TMEM74: variants seen among roughly 807,000 people sequenced by gnomAD.
TMEM74 encodes transmembrane protein 74.
In TMEM74, 13 loss-of-function variants were observed where a neutral mutation model predicts 18.1. The ratio of observed to expected loss-of-function variants is 0.72; its 90% confidence interval spans 0.47 to 1.14. The LOEUF (loss-of-function observed/expected upper bound fraction) is 1.14, where lower values mean the gene tolerates loss of function less well. TMEM74 is among the 50% of genes most tolerant of loss of function. The pLI is 0.00. For missense variants in TMEM74, 372 were observed against 375.9 expected (o/e 0.99, Z 0.09); for synonymous variants, 159 against 146.6 (o/e 1.08, Z -0.61).
intron 2 of TMEM74, among the ~76,000 whole-genome samples, chr8:108,623,999 C>T (rs1345866904): frequency 6.6e-6 from 1 of 152,042 alleles, no homozygotes; most frequent in Non-Finnish European, 1.5e-5. Flanking sequence ...TAATAAGATT[C>T]TTCAAAGTTA....
chr8:108,665,236 C>T (rs540115782), intron 1 of TMEM74, among the ~76,000 whole-genome samples: 4 of 152,184 alleles, frequency 2.6e-5, no homozygotes, highest in South Asian at 2.1e-4. Flanking sequence ...GGAATAACTT[C>T]GACCTGAATT....
intron 2 of TMEM74, among the ~76,000 whole-genome samples, chr8:108,646,517 A>G (rs1484002086): frequency 6.6e-6 from 1 of 152,112 alleles, no homozygotes; most frequent in Non-Finnish European, 1.5e-5. Flanking sequence ...GAGTTCATGA[A>G]TAAGTTCCAA....
chr8:108,681,535 C>A (rs944306348), intron 1 of TMEM74, among the ~76,000 whole-genome samples: 1 of 152,102 alleles, frequency 6.6e-6, no homozygotes, highest in African/African-American at 2.4e-5. Flanking sequence ...ATTAAGTTCT[C>A]TTAAATAGAA....
intron 2 of TMEM74, among the ~76,000 whole-genome samples, chr8:108,640,721 A>G (rs1162450990): frequency 6.6e-6 from 1 of 152,280 alleles, no homozygotes; most frequent in African/African-American, 2.4e-5. Flanking sequence ...ACAACTGTGC[A>G]TTGGTTCAGA....
chr8:108,632,102 G>A (rs1302758505), intron 2 of TMEM74, among the ~76,000 whole-genome samples: 1 of 151,964 alleles, frequency 6.6e-6, no homozygotes, highest in Non-Finnish European at 1.5e-5. Context: ...ACTCAGTGAT[G>A]CTATAAGAAT....
intron 1 of TMEM74, among the ~76,000 whole-genome samples, chr8:108,661,327 G>A (rs753325569): frequency 1.6e-4 from 22 of 141,502 alleles, no homozygotes; most frequent in Non-Finnish European, 2.9e-4. Flanking sequence ...ATTGCTTTGT[G>A]ATTTTTGCCA....
intron 1 of TMEM74, among the ~76,000 whole-genome samples, chr8:108,773,574 G>C (rs1244069353): frequency 6.6e-6 from 1 of 152,106 alleles, no homozygotes; most frequent in East Asian, 1.9e-4. Context: ...TTAATGTATA[G>C]GATGAGGTGG....
chr8:108,663,130 G>T (rs1032657443), intron 1 of TMEM74, among the ~76,000 whole-genome samples: 1 of 152,130 alleles, frequency 6.6e-6, no homozygotes, highest in Non-Finnish European at 1.5e-5. Flanking sequence ...CACAGCAAAA[G>T]AAACTGTCAT....
chr8:108,724,302 CT>C (rs1295697700), intron 1 of TMEM74, among the ~76,000 whole-genome samples: 1 of 152,162 alleles, frequency 6.6e-6, no homozygotes, highest in Non-Finnish European at 1.5e-5. Context: ...GTCTTCATGA[CT>C]GAACTCTTTA....
chr8:108,678,685 A>G (rs561869674), intron 1 of TMEM74, among the ~76,000 whole-genome samples: 1 of 150,164 alleles, frequency 6.7e-6, no homozygotes, highest in South Asian at 2.1e-4. Context: ...TTTTTTTCTT[A>G]TAAAGCTGAC....
At chr8:108,769,778 T>C (rs1245930992) in intron 1 of TMEM74, among the ~76,000 whole-genome samples, 1 of 152,132 alleles carries the variant, frequency 6.6e-6, no homozygotes, top group East Asian at 1.9e-4. Context: ...TTCACTGCCT[T>C]TCTAAAACAG....
At chr8:108,631,958 C>G (rs907892380) in intron 2 of TMEM74, among the ~76,000 whole-genome samples, 1 of 151,976 alleles carries the variant, frequency 6.6e-6, no homozygotes, top group African/African-American at 2.4e-5. Context: ...ATAAGTCAGG[C>G]ATTGTGCCCA....
At chr8:108,689,299 G>T in intron 1 of TMEM74, among the ~76,000 whole-genome samples, 1 of 152,172 alleles carries the variant, frequency 6.6e-6, no homozygotes, top group Non-Finnish European at 1.5e-5. Context: ...CAGAGAAAGG[G>T]TTAAGGAACC....
At chr8:108,652,435 T>C in intron 2 of TMEM74, 1 of 339,434 alleles carries the variant, frequency 2.9e-6, no homozygotes, top group South Asian at 4.2e-5. Context: ...CTGAAATATC[T>C]GAATACCTAA....
At chr8:108,729,699 A>G (rs1056413539) in intron 1 of TMEM74, among the ~76,000 whole-genome samples, 1 of 152,116 alleles carries the variant, frequency 6.6e-6, no homozygotes, top group Admixed American at 6.5e-5. Context: ...AATATCATTC[A>G]TTTTCTTCCC....
chr8:108,709,791 T>C (rs187872414), intron 1 of TMEM74, among the ~76,000 whole-genome samples: 4 of 152,336 alleles, frequency 2.6e-5, no homozygotes, highest in Admixed American at 2.6e-4. Context: ...TTCCTTGATG[T>C]GGTGATGGTA....
At chr8:108,720,713 C>T (rs3019358) in intron 1 of TMEM74, among the ~76,000 whole-genome samples, 43,001 of 151,826 alleles carry the variant, frequency 0.28, 6,793 homozygotes, top group Middle Eastern at 0.37. Flanking sequence ...ATACTGCCCC[C>T]AAATTAAGAT....
intron 1 of TMEM74, among the ~76,000 whole-genome samples, chr8:108,660,748 AAC>A (rs1383377747): frequency 1.3e-5 from 2 of 152,172 alleles, no homozygotes; most frequent in African/African-American, 4.8e-5. Flanking sequence ...TTCATTGTGA[AAC>A]AGTTAGCCGT....
intron 2 of TMEM74, among the ~76,000 whole-genome samples, chr8:108,650,919 C>T (rs1416022946): frequency 6.6e-6 from 1 of 152,080 alleles, no homozygotes; most frequent in Non-Finnish European, 1.5e-5. Context: ...CCATATTAGC[C>T]AGGCTGGTCT....
Sources: allele counts gnomAD v4.1 joint callset (sites outside exome capture counted in the v4.1 genomes callset), GRCh38; gene constraint gnomAD v4.1.1; transcripts MANE v1.5; gene names NCBI Gene and HGNC (gene_info 2026-07-23, HGNC 2026-07-21).